PRKAG2: variants seen among roughly 807,000 people sequenced by gnomAD.
PRKAG2 encodes the protein 5'-AMP-activated protein kinase subunit gamma-2.
In PRKAG2, 26 loss-of-function variants were observed where a neutral mutation model predicts 69.6. The ratio of observed to expected loss-of-function variants is 0.37; its 90% confidence interval spans 0.27 to 0.52. PRKAG2 has a LOEUF of 0.52. Ranked by LOEUF, PRKAG2 falls within the 20% of genes least tolerant of loss-of-function variation. The probability of loss-of-function intolerance (pLI) is 0.90; values close to 1 mark genes in which losing one functional copy is unlikely to be tolerated. For missense variants in PRKAG2, 557 were observed against 740.0 expected (o/e 0.75, Z 2.87); for synonymous variants, 293 against 285.0 (o/e 1.03, Z -0.28).
rs1185122455 is a variant in PRKAG2 at position 151,874,018 on chromosome 7, G to GA, written c.114+2488_114+2489insT. On this transcript the variant is annotated intron_variant, in intron 1 of 15. Transcript: ENST00000287878. ...ATATGATGTATATGTATAAGTATAT[G>GA]TATATGATGTATATGTATATGATGT... Among the ~76,000 whole-genome samples the GA allele has an allele frequency of 3.1e-4, 43 of 140,390 alleles. No homozygotes were observed. The South Asian group carries it at 4.5e-3, about 15-fold the overall frequency. 92.1% of individuals were successfully genotyped at this position (140,390 alleles called of 152,430 possible).
chr7:151,872,744 C>T (rs1001399430), intron 1 of PRKAG2, among the ~76,000 whole-genome samples: 6 of 152,134 alleles, frequency 3.9e-5, no homozygotes, highest in Non-Finnish European at 7.3e-5. Context: ...GAGCAAGCTG[C>T]CAGGGTCTGA....
At chr7:151,762,626 G>T (rs548823712) in intron 3 of PRKAG2, among the ~76,000 whole-genome samples, 1 of 152,182 alleles carries the variant, frequency 6.6e-6, no homozygotes, top group African/African-American at 2.4e-5. Context: ...ACTAGCCCAC[G>T]CACATCGACC....
rs1422048715 is a variant in PRKAG2, at chr7:151,836,356, C to T, written c.114+40151G>A. ...CCACAGGCTGGATTCTCAAGAGGGG[C>T]GAGAGAATGGGGTGGTGGCTGCCCC... On this transcript the variant is annotated intron_variant, in intron 1 of 15. Transcript: ENST00000287878. This position sits in a 1 kb window ranked among gnomAD's most constrained non-coding sequence, Gnocchi z 4.1. Among the ~76,000 whole-genome samples the T allele has an allele frequency of 1.3e-5, 2 of 152,152 alleles. No homozygotes were observed. The highest frequency in any genetic ancestry group is 2.9e-5 in the Non-Finnish European group (2 of 68,034).
chr7:151,652,118 TATCACAGC>T (rs1300438354), intron 4 of PRKAG2, among the ~76,000 whole-genome samples: 1 of 152,232 alleles, frequency 6.6e-6, no homozygotes, highest in African/African-American at 2.4e-5. Flanking sequence ...TGTATACACA[TATCACAGC>T]ATCACAGTGT....
rs757453735 is a variant in PRKAG2 at position 151,638,358 on chromosome 7, G to A, written c.685-6220C>T. On this transcript the variant is annotated intron_variant, in intron 4 of 15. Transcript: ENST00000287878. The surrounding 1 kb of genome is among the most constrained non-coding windows in gnomAD (Gnocchi z 4.3). Reference sequence around the variant, plus strand: ...GTAAAAAATGCTAAATTATTATCCCGGCATGGTGGCTCATGCCTGTAATCC... The same window carrying A: ...GTAAAAAATGCTAAATTATTATCCCAGCATGGTGGCTCATGCCTGTAATCC... 5.3e-5 allele frequency among the ~76,000 whole-genome samples: 8 copies of A among 152,150 alleles called. No individual in the cohort carries two copies. Among genetic ancestry groups the A allele is most frequent in the Non-Finnish European group, 7.3e-5 (5 of 68,028 alleles).
intron 1 of PRKAG2, among the ~76,000 whole-genome samples, chr7:151,794,108 G>A (rs151157492): frequency 1.8e-4 from 27 of 152,152 alleles, no homozygotes; most frequent in African/African-American, 6.0e-4. Context: ...CAACCGCCTC[G>A]GGGCTCCCCT....
intron 7 of PRKAG2, 111 bp from the exon 8 acceptor site, chr7:151,575,060 G>T (rs996178751): frequency 5.6e-6 from 8 of 1,427,532 alleles, no homozygotes; most frequent in Non-Finnish European, 7.5e-6. Flanking sequence ...AATATACTTC[G>T]AAGATATCAA....
In PRKAG2 at chr7:151,605,936, C is replaced by CAAAAAAAAAAAAAAAAAAAAA. The variant is rs560080587; in HGVS notation, c.755-10483_755-10482insTTTTTTTTTTTTTTTTTTTTT. Among the ~76,000 whole-genome samples, 32 of 91,042 alleles carry CAAAAAAAAAAAAAAAAAAAAA rather than the reference C, an allele frequency of 3.5e-4. 1 individual carries two copies. Among genetic ancestry groups the CAAAAAAAAAAAAAAAAAAAAA allele is most frequent in the African/African-American group, 1.2e-3 (31 of 25,874 alleles). 59.7% of individuals were successfully genotyped at this position (91,042 alleles called of 152,430 possible). A position where few individuals can be genotyped will look rare whatever the true frequency, so the allele number is the denominator to read the frequency against. ...CTGGCGACAGAGCGAGACTCCGTCTCAAAAAAAAAAAAAAAAAAAAGAATT... is the reference window on the plus strand; with the variant it reads ...CTGGCGACAGAGCGAGACTCCGTCTCAAAAAAAAAAAAAAAAAAAAAAAAAAAAAAAAAAAAAAAAAGAATT... On this transcript the variant is annotated intron_variant, in intron 5 of 15. Transcript: ENST00000287878.
intron 1 of PRKAG2, among the ~76,000 whole-genome samples, chr7:151,859,639 C>T (rs2079869443): frequency 6.6e-6 from 1 of 152,208 alleles, no homozygotes; most frequent in Admixed American, 6.5e-5. Flanking sequence ...GGGTCTGCTG[C>T]CAGCCACAGC....
intron 1 of PRKAG2, among the ~76,000 whole-genome samples, chr7:151,798,410 G>A (rs2077666776): frequency 6.6e-6 from 1 of 152,044 alleles, no homozygotes; most frequent in African/African-American, 2.4e-5. Flanking sequence ...CGCCTCCCGG[G>A]TTCAAGCGAT....
Position 151,719,852 on chromosome 7 carries a change from G to A in PRKAG2, c.467-44215C>T, listed in dbSNP as rs1300716509. ...TGGGGCTCCAAGTAACGCCTTCCCT[G>A]GCCCCTGTGCCTACTGAGGTAGTTC... On this transcript the variant is annotated intron_variant, in intron 3 of 15. Transcript: ENST00000287878. The surrounding 1 kb of genome is among the most constrained non-coding windows in gnomAD (Gnocchi z 5.2). Among the ~76,000 whole-genome samples the A allele has an allele frequency of 2.0e-5, 3 of 152,164 alleles. No individual in the cohort carries two copies. Among genetic ancestry groups the A allele is most frequent in the Admixed American group, 1.3e-4 (2 of 15,284 alleles).
At chr7:151,561,712 C>T (rs1166802698) in intron 14 of PRKAG2, among the ~76,000 whole-genome samples, 2 of 151,962 alleles carry the variant, frequency 1.3e-5, no homozygotes, top group Non-Finnish European at 2.9e-5. Context: ...GCGGGCGGAT[C>T]ACCTGAGGTC....
At chr7:151,830,835 A>G (rs1294910162) in intron 1 of PRKAG2, among the ~76,000 whole-genome samples, 2 of 151,202 alleles carry the variant, frequency 1.3e-5, no homozygotes, top group Non-Finnish European at 3.0e-5. Context: ...TTCTTTCACT[A>G]TTTATTCTAC....
Position 151,612,115 on chromosome 7 carries a change from T to C in PRKAG2, c.755-16661A>G, listed in dbSNP as rs185964710. On this transcript the variant is annotated intron_variant, in intron 5 of 15. Coordinates refer to ENST00000287878, the MANE Select transcript of PRKAG2 (RefSeq NM_016203.4). ...GGGAGGACAGCGACACCAGCATCAC[T>C]AAAGGAGCTGAATTAAATGCAGTGC... is the stretch of plus-strand genomic sequence containing the variant. Among the ~76,000 whole-genome samples the C allele has an allele frequency of 1.1e-4, 17 of 152,268 alleles. No homozygotes were observed. The East Asian group carries it at 2.7e-3, about 24-fold the overall frequency.
In PRKAG2 at chr7:151,735,506, CCT is replaced by C. The variant is rs543124095; in HGVS notation, c.466+45644_466+45645del. Among the ~76,000 whole-genome samples the C allele has an allele frequency of 1.5e-4, 23 of 152,276 alleles. No homozygotes were observed. The South Asian group carries it at 4.6e-3, about 30-fold the overall frequency. ...TCCGCTACGGAACCTGGGAAGAAGA[CCT>C]CTCTCTTCCTGACCTCCAATAGTTT... On this transcript the variant is annotated intron_variant, in intron 3 of 15. Transcript: ENST00000287878.
At chr7:151,700,079 C>T (rs1453070588) in intron 3 of PRKAG2, among the ~76,000 whole-genome samples, 1 of 152,188 alleles carries the variant, frequency 6.6e-6, no homozygotes, top group Non-Finnish European at 1.5e-5. Context: ...GTCCTGTCAT[C>T]TCATAGGAAA....
rs1277343404 is a variant in PRKAG2, at chr7:151,836,668, C to T, written c.114+39839G>A. On this transcript the variant is annotated intron_variant, in intron 1 of 15. Coordinates refer to ENST00000287878, the MANE Select transcript of PRKAG2 (RefSeq NM_016203.4). This position sits in a 1 kb window ranked among gnomAD's most constrained non-coding sequence, Gnocchi z 4.1. ...CTGTCTGGGTGCAGCCTTAGCGGGG[C>T]ACAGGAGGGCGTGTATGCGGGTCCT... Among the ~76,000 whole-genome samples the T allele has an allele frequency of 2.0e-5, 3 of 152,164 alleles. No homozygotes were observed. The highest frequency in any genetic ancestry group is 2.0e-4 in the Admixed American group (3 of 15,274).
intron 1 of PRKAG2, among the ~76,000 whole-genome samples, chr7:151,820,101 A>G (rs941198713): frequency 2.6e-5 from 4 of 152,238 alleles, no homozygotes; most frequent in Non-Finnish European, 5.9e-5. Flanking sequence ...CCGTGACCCC[A>G]CAGTGACTTG....
intron 1 of PRKAG2, among the ~76,000 whole-genome samples, chr7:151,798,202 C>T (rs1435174294): frequency 1.3e-5 from 2 of 152,086 alleles, no homozygotes; most frequent in Admixed American, 6.6e-5. Flanking sequence ...TGGGGTTTCA[C>T]CATGTTGGCC....
Sources: gnomAD v4.1 joint callset for allele counts (sites outside exome capture counted in the v4.1 genomes callset) on GRCh38, gnomAD v4.1.1 for gene constraint, Gnocchi (gnomAD v3.1) non-coding constraint, MANE v1.5 for transcripts, NCBI Gene and HGNC (gene_info 2026-07-23, HGNC 2026-07-21) for gene names.